The following C19orf47 variants were observed in gnomAD, a reference collection of about 807,000 sequenced individuals.
C19orf47 encodes the protein chromosome 19 open reading frame 47.
Under a neutral mutation model 32.3 loss-of-function variants are expected in C19orf47, and 18 were observed. The ratio of observed to expected loss-of-function variants is 0.56; its 90% CI spans 0.39 to 0.83. C19orf47 has a LOEUF of 0.83. Ranked by LOEUF, C19orf47 falls within the 40% of genes least tolerant of loss-of-function variation. The pLI is 0.00. For missense variants in C19orf47, 484 were observed against 531.6 expected (o/e 0.91, Z 0.88); for synonymous variants, 202 against 211.1 (o/e 0.96, Z 0.37).
downstream of C19orf47, among the ~76,000 whole-genome samples, chr19:40,315,853 G>C (rs1427448582): frequency 6.6e-6 from 1 of 152,070 alleles, no homozygotes; most frequent in Admixed American, 6.6e-5. Context: ...AGGTACTCAG[G>C]AGGCTGAGGC....
chr19:40,341,940 G>A (rs1331901362), intron 1 of C19orf47, 50 bp from the exon 2 acceptor site: 1 of 1,535,998 alleles, frequency 6.5e-7, no homozygotes, highest in Non-Finnish European at 8.7e-7. Flanking sequence ...GGCTGTGAGT[G>A]TTTGTCCCTC....
chr19:40,345,033 C>T (rs1486026181), intron 1 of C19orf47, among the ~76,000 whole-genome samples: 1 of 152,148 alleles, frequency 6.6e-6, no homozygotes, highest in Non-Finnish European at 1.5e-5. Flanking sequence ...AGTCCAATGG[C>T]TATGGTTCAT....
chr19:40,344,345 G>A (rs1052151149), intron 1 of C19orf47, among the ~76,000 whole-genome samples: 1 of 151,884 alleles, frequency 6.6e-6, no homozygotes, highest in Non-Finnish European at 1.5e-5. Flanking sequence ...CGGGCATGGT[G>A]GTGGGCGCCT....
chr19:40,335,861 G>A (rs1467515890), intron 4 of C19orf47, among the ~76,000 whole-genome samples: 2 of 152,144 alleles, frequency 1.3e-5, no homozygotes, highest in East Asian at 1.9e-4. Flanking sequence ...CGACCACCTC[G>A]GCCTCCCAAA....
chr19:40,328,391 C>A, intron 6 of C19orf47, 22 bp downstream of exon 6: 2 of 1,610,848 alleles, frequency 1.2e-6, no homozygotes, highest in Non-Finnish European at 1.7e-6. Context: ...GCTCCTCCTA[C>A]CACCTGCCCA....
At chr19:40,312,968 T>C in the C19orf47 span, among the ~76,000 whole-genome samples, 1 of 152,242 alleles carries the variant, frequency 6.6e-6, no homozygotes, top group Admixed American at 6.5e-5. Context: ...ATTTATGCTA[T>C]TACAAACAGC....
chr19:40,300,316 T>C, the C19orf47 span, among the ~76,000 whole-genome samples: 25 of 151,126 alleles, frequency 1.7e-4, no homozygotes, highest in African/African-American at 5.4e-4. Context: ...AATACAAAAA[T>C]TAGCTGGGTG....
intron 4 of C19orf47, 124 bp downstream of exon 4, chr19:40,335,986 T>C (rs1283913438): frequency 9.1e-6 from 7 of 770,154 alleles, no homozygotes; most frequent in Non-Finnish European, 1.5e-5. Flanking sequence ...ACACAGCAAA[T>C]GGCTGAACCA....
At chr19:40,329,371 T>G (rs1309471714) in intron 5 of C19orf47, among the ~76,000 whole-genome samples, 1 of 151,824 alleles carries the variant, frequency 6.6e-6, no homozygotes, top group Non-Finnish European at 1.5e-5. Context: ...CCAGGCATGG[T>G]GGCATGTGCC....
intron 2 of C19orf47, among the ~76,000 whole-genome samples, chr19:40,340,872 G>A (rs779360449): frequency 2.2e-4 from 33 of 151,322 alleles, no homozygotes; most frequent in Non-Finnish European, 4.7e-4. Context: ...CCAGCTACTC[G>A]GAGGCTGAGA....
chr19:40,322,389 G>C lies in C19orf47; in HGVS notation c.664-13C>G. On this transcript the variant is annotated splice_polypyrimidine_tract_variant and intron_variant, in intron 8 of 8. Transcript: ENST00000683109. Reference sequence around the variant, plus strand: ...AGACTCCTGTGGGCTGTGGAGGTCAGAGACAGGATGAATGAGTCACTGAGT... The same window carrying C: ...AGACTCCTGTGGGCTGTGGAGGTCACAGACAGGATGAATGAGTCACTGAGT... The C allele has an allele frequency of 1.3e-6, 2 of 1,553,762 alleles. No homozygotes were observed. The highest frequency in any genetic ancestry group is 1.7e-6 in the Non-Finnish European group (2 of 1,148,240).
At chr19:40,296,124 T>C in the C19orf47 span, among the ~76,000 whole-genome samples, 3 of 152,190 alleles carry the variant, frequency 2.0e-5, no homozygotes, top group Admixed American at 1.3e-4. Flanking sequence ...TTAGGCAATT[T>C]TGTCATTGTG....
the C19orf47 span, among the ~76,000 whole-genome samples, chr19:40,301,070 C>T: frequency 3.3e-5 from 5 of 151,896 alleles, no homozygotes; most frequent in Non-Finnish European, 5.9e-5. Context: ...GGCTGAGGCA[C>T]GAGAATCGCT....
the C19orf47 span, among the ~76,000 whole-genome samples, chr19:40,294,157 CTTCGAGT>C: frequency 2.0e-5 from 3 of 152,046 alleles, no homozygotes; most frequent in Non-Finnish European, 4.4e-5. Flanking sequence ...TTTTCACTCC[CTTCGAGT>C]TTCTGGTGCC....
chr19:40,318,816 G>A (rs4524046), downstream of C19orf47, among the ~76,000 whole-genome samples: 55,589 of 151,940 alleles, frequency 0.37, 12,494 homozygotes, highest in South Asian at 0.61. Flanking sequence ...CATCCCCAGT[G>A]CCTGGGACAC....
chr19:40,338,573 C>T (rs948847456), intron 2 of C19orf47, among the ~76,000 whole-genome samples: 1 of 151,928 alleles, frequency 6.6e-6, no homozygotes. Context: ...TTAGTAGAGA[C>T]GGGGTTTCAC....
Position 40,322,141 on chromosome 19 carries a change from C to G in C19orf47, c.899G>C (p.Arg300Pro), listed in dbSNP as rs149589944. Residue 300 changes from arginine to proline, a missense_variant, in exon 9 of 9, where the codon CGG becomes CCG. Coordinates refer to ENST00000683109, the MANE Select transcript of C19orf47 (RefSeq NM_001256441.2). ...PTLRRLALSS[R>P]SGLERKPESL... is the part of the protein sequence containing the mutation. Reference sequence around the variant, plus strand: ...CTCCGGCTTCCTCTCAAGCCCAGACCGTGAGGAAAGCGCCAGGCGCCGCAG... The same window carrying G: ...CTCCGGCTTCCTCTCAAGCCCAGACGGTGAGGAAAGCGCCAGGCGCCGCAG... 9 of 1,613,838 alleles carry G rather than the reference C, an allele frequency of 5.6e-6. No homozygotes were observed. The highest frequency in any genetic ancestry group is 1.3e-5 in the African/African-American group (1 of 74,942).
rs374413956 is a variant in C19orf47 at position 40,336,169 on chromosome 19, C to T, written c.163G>A (p.Val55Met). The change falls in exon 4 of 9, where the codon GTG (valine) becomes ATG (methionine). Residue 55 changes from valine to methionine, a missense_variant. Around this residue, in one of 3 missense-constraint regions of C19orf47, gnomAD observed 57 missense variants for 86.9 expected, o/e 0.66. Coordinates refer to ENST00000683109, the MANE Select transcript of C19orf47 (RefSeq NM_001256441.2). ...GCGATGATGTCACCCACCACGGTCA[C>T]GCCCAGCTCATTCATTATCTCCTTA... ...LNKEIMNELG[V>M]TVVGDIIAIL... is the part of the protein sequence containing the mutation. 6.2e-6 allele frequency: 10 copies of T among 1,614,092 alleles called. No individual in the cohort carries two copies. Among genetic ancestry groups the T allele is most frequent in the South Asian group, 5.5e-5 (5 of 91,086 alleles).
intron 6 of C19orf47, among the ~76,000 whole-genome samples, chr19:40,327,854 C>T (rs546696796): frequency 3.3e-5 from 5 of 152,250 alleles, no homozygotes; most frequent in East Asian, 1.9e-4. Context: ...GGGGAGCAAG[C>T]GAGCATGCAA....
Sources: gnomAD v4.1 joint callset for allele counts (sites outside exome capture counted in the v4.1 genomes callset) on GRCh38, gnomAD v4.1.1 for gene constraint, gnomAD v4.1.1 regional missense constraint, MANE v1.5 for transcripts, NCBI Gene and HGNC (gene_info 2026-07-23, HGNC 2026-07-21) for gene names.